Variants in GORASP2 observed in about 807,000 individuals in gnomAD.
GORASP2 encodes the protein Golgi reassembly-stacking protein 2.
Under a neutral mutation model 45.7 loss-of-function variants are expected in GORASP2, and 22 were observed. The observed-to-expected ratio is 0.48, with a 90% CI of 0.34 to 0.69. The LOEUF (loss-of-function observed/expected upper bound fraction) is 0.69, where lower values mean the gene tolerates loss of function less well. GORASP2 is among the 30% of genes least tolerant of loss of function. GORASP2 has a pLI of 0.01. For synonymous variants in GORASP2, 221 were observed against 215.6 expected, an observed-to-expected ratio of 1.02 and a Z score of -0.22; for missense variants, 491 against 562.7, an observed-to-expected ratio of 0.87 and a Z score of 1.29.
intron 5 of GORASP2, chr2:170,954,370 G>A: frequency 6.5e-6 from 2 of 306,894 alleles, no homozygotes; most frequent in East Asian, 6.2e-5. Flanking sequence ...GTGTTGGATG[G>A]TGATGAATTC....
rs185354670 is a variant in GORASP2 at position 170,960,091 on chromosome 2, G to A, written c.824-1572G>A. On this transcript the variant is annotated intron_variant, in intron 7 of 9. Transcript: ENST00000234160. The stretch of plus-strand genomic sequence containing the variant: ...CTACCTCAGCTTCCCAAAGTGCTGG[G>A]ATTACAGGCATGAGCCACCGTGCCT... Among the ~76,000 whole-genome samples, 66 of 152,170 alleles carry A rather than the reference G, an allele frequency of 4.3e-4. 3 individuals are homozygous for A. In the East Asian group the frequency reaches 0.012, roughly 27 times the overall value.
rs748167958 is a variant in GORASP2 at position 170,962,879 on chromosome 2, C to T, written c.951C>T (p.Asn317=). 3.7e-6 allele frequency: 6 copies of T among 1,613,790 alleles called. No homozygotes were observed. Among genetic ancestry groups the T allele is most frequent in the Admixed American group, 1.7e-5 (1 of 60,012 alleles). ...PLPAGLPNLP[N]LNLNLPAPHI... is the part of the protein sequence containing the mutation. ...CAGCAGGACTGCCCAACCTCCCCAA[C>T]CTCAACCTCAACCTCCCAGCACCAC... is the stretch of plus-strand genomic sequence containing the variant. The change falls in exon 9 of 10, where the codon AAC becomes AAT. Residue 317 remains asparagine, a synonymous_variant. Coordinates refer to ENST00000234160, the MANE Select transcript of GORASP2 (RefSeq NM_015530.5).
chr2:170,966,440 G>A lies in GORASP2; in HGVS notation c.*310G>A, dbSNP rs976977795. ...TCTTCGGGAAAGGTGGTGGCGGGGC[G>A]TCCACTAGGTTTCCTGTCCCCTGCT... On this transcript the variant is annotated 3_prime_UTR_variant, in exon 10 of 10. Transcript: ENST00000234160. 118 of 440,840 alleles carry A rather than the reference G, an allele frequency of 2.7e-4. No individual in the cohort carries two copies. Among genetic ancestry groups the A allele is most frequent in the Middle Eastern group, 2.6e-3 (4 of 1,550 alleles). The allele number at this position is 440,840 out of a possible 1,614,324, so 27.3% of individuals were successfully genotyped here.
At chr2:170,948,191 C>T (rs764791614) in intron 1 of GORASP2, among the ~76,000 whole-genome samples, 159 bp from the exon 2 acceptor site, 1 of 151,954 alleles carries the variant, frequency 6.6e-6, no homozygotes, top group Non-Finnish European at 1.5e-5. Context: ...GGGAGCTGGA[C>T]GGGCATTATC....
At position 170,962,967 on chromosome 2, in the gene GORASP2, TC is replaced by T. The variant is rs1300326457; in HGVS notation, c.1018+23del. On this transcript the variant is annotated intron_variant, in intron 9 of 9. Coordinates refer to ENST00000234160, the MANE Select transcript of GORASP2 (RefSeq NM_015530.5). ...CCCAGGTATGTTGCAGATCTCACCC[TC>T]CTAGGACTCTCTCTAATAAAAGTTT... 4 of 1,459,718 alleles carry T rather than the reference TC, an allele frequency of 2.7e-6. No individual in the cohort carries two copies. In the South Asian group the frequency reaches 4.5e-5, roughly 17 times the overall value. The allele number at this position is 1,459,718 out of a possible 1,614,324, so 90.4% of individuals were successfully genotyped here. A position where few individuals can be genotyped will look rare whatever the true frequency, so the allele number is the denominator to read the frequency against.
At chr2:170,947,681 G>A (rs988301986) in intron 1 of GORASP2, among the ~76,000 whole-genome samples, 3 of 152,168 alleles carry the variant, frequency 2.0e-5, no homozygotes, top group East Asian at 1.9e-4. Context: ...GCTAGTAGTA[G>A]TCAAGGAATA....
chr2:170,949,477 G>A, intron 2 of GORASP2, 62 bp from the exon 3 acceptor site: 1 of 1,157,160 alleles, frequency 8.6e-7, no homozygotes, highest in Non-Finnish European at 1.3e-6. Flanking sequence ...TAGGGCCATA[G>A]GATGCTTAAG....
intron 7 of GORASP2, among the ~76,000 whole-genome samples, chr2:170,960,457 T>TA: frequency 6.6e-6 from 1 of 152,368 alleles, no homozygotes; most frequent in Non-Finnish European, 1.5e-5. Context: ...CTTCCTGGCT[T>TA]AGATTTAGTC....
intron 1 of GORASP2, among the ~76,000 whole-genome samples, chr2:170,944,340 T>A (rs1313402550): frequency 6.6e-6 from 1 of 152,216 alleles, no homozygotes; most frequent in Non-Finnish European, 1.5e-5. Context: ...TCTAGGGCAC[T>A]CTCTGCTGAC....
rs200334367 is a variant in GORASP2, at chr2:170,948,462, G to A, written c.144+32G>A. 23 of 1,181,856 alleles carry A rather than the reference G, an allele frequency of 1.9e-5. No individual in the cohort carries two copies. The African/African-American group carries it at 2.4e-4, about 13-fold the overall frequency. The allele number at this position is 1,181,856 out of a possible 1,614,324, so 73.2% of individuals were successfully genotyped here. On this transcript the variant is annotated intron_variant, in intron 2 of 9. Coordinates refer to ENST00000234160, the MANE Select transcript of GORASP2 (RefSeq NM_015530.5). ...TCAACTTTCTGTAGTTTTGTCTATA[G>A]TATTTGTAATCTCTCAAAAATGGAA...
At chr2:170,961,825 A>G (rs1704568462) in intron 8 of GORASP2, 76 bp downstream of exon 8, 1 of 832,844 alleles carries the variant, frequency 1.2e-6, no homozygotes. Context: ...ACAATGAAAA[A>G]TATTATACCT....
intron 1 of GORASP2, among the ~76,000 whole-genome samples, chr2:170,931,438 ATATTTCAT>A (rs1179867108): frequency 6.6e-6 from 1 of 152,218 alleles, no homozygotes; most frequent in East Asian, 1.9e-4. Flanking sequence ...GGACAGCGAT[ATATTTCAT>A]TGTTAGATTA....
chr2:170,933,605 A>G (rs1703877527), intron 1 of GORASP2, among the ~76,000 whole-genome samples: 1 of 152,236 alleles, frequency 6.6e-6, no homozygotes, highest in African/African-American at 2.4e-5. Flanking sequence ...CTAAAAAATT[A>G]TTAGTGACAT....
chr2:170,958,856 G>T (rs1704488297), intron 7 of GORASP2, among the ~76,000 whole-genome samples: 1 of 152,124 alleles, frequency 6.6e-6, no homozygotes, highest in African/African-American at 2.4e-5. Context: ...TTTTAGCAGA[G>T]ATGGGGTTTT....
chr2:170,951,295 C>T (rs749802636), intron 4 of GORASP2, 33 bp from the exon 5 acceptor site: 4 of 1,560,594 alleles, frequency 2.6e-6, no homozygotes, highest in Admixed American at 2.0e-5. Context: ...AGTATGGTAA[C>T]GTGAAACATT....
chr2:170,946,794 C>T (rs551077520), intron 1 of GORASP2, among the ~76,000 whole-genome samples: 288 of 139,848 alleles, frequency 2.1e-3, no homozygotes, highest in South Asian at 5.8e-3. Context: ...AAAAATTAGG[C>T]GGTGTGGTGG....
At chr2:170,936,944 C>T (rs1003169181) in intron 1 of GORASP2, among the ~76,000 whole-genome samples, 2 of 152,266 alleles carry the variant, frequency 1.3e-5, no homozygotes, top group East Asian at 3.9e-4. Context: ...TGCGGTGGCT[C>T]ACGCCTGTAA....
At position 170,929,390 on chromosome 2, in the gene GORASP2, A is replaced by C; in HGVS notation, c.50A>C (p.Tyr17Ser). 1 of 1,419,788 alleles carries C rather than the reference A, an allele frequency of 7.0e-7. No individual in the cohort carries two copies. The highest frequency in any genetic ancestry group is 9.2e-7 in the Non-Finnish European group (1 of 1,085,266). 87.9% of individuals were successfully genotyped at this position (1,419,788 alleles called of 1,614,324 possible). Residue 17 changes from tyrosine to serine, a missense_variant, in exon 1 of 10, where the codon TAC becomes TCC. By Grantham distance (144) the Tyr-to-Ser change is moderately radical (BLOSUM62 -2). Around this residue, in one of 2 missense-constraint regions of GORASP2, gnomAD observed 194 missense variants for 270.4 expected, o/e 0.72. Transcript: ENST00000234160. ...VEIPGGGTEG[Y>S]HVLRVQENSP... ...ATCCCGGGCGGGGGCACCGAGGGCT[A>C]CCACGTTCTGCGGGTAAGGGCTCCG...
chr2:170,965,769 T>G, intron 9 of GORASP2, 21 bp from the exon 10 acceptor site: 1 of 1,542,516 alleles, frequency 6.5e-7, no homozygotes, highest in South Asian at 1.1e-5. Context: ...GGATGTATGA[T>G]CTATGCCGTT....
Sources: gnomAD v4.1 joint callset for allele counts (sites outside exome capture counted in the v4.1 genomes callset) on GRCh38, gnomAD v4.1.1 for gene constraint, gnomAD v4.1.1 regional missense constraint, MANE v1.5 for transcripts, NCBI Gene and HGNC (gene_info 2026-07-23, HGNC 2026-07-21) for gene names.